The following WDR62 variants were observed in gnomAD, a reference collection of about 807,000 sequenced individuals.
WDR62 encodes WD repeat-containing protein 62.
A neutral mutation model predicts 160.6 loss-of-function variants in WDR62; 112 were observed. That is an observed-to-expected ratio of 0.70 (90% CI 0.60 to 0.82). WDR62 has a LOEUF of 0.82. Ranked by LOEUF, WDR62 falls within the 40% of genes least tolerant of loss-of-function variation. The pLI is 0.00. For missense variants in WDR62, 1,819 were observed against 1,983.8 expected (o/e 0.92, Z 1.58); for synonymous variants, 792 against 815.1 (o/e 0.97, Z 0.48).
chr19:36,068,116 G>C, intron 7 of WDR62, 106 bp downstream of exon 7: 1 of 1,359,864 alleles, frequency 7.4e-7, no homozygotes, highest in Non-Finnish European at 1.0e-6. Context: ...TATGTGACTA[G>C]TGGTGAATGA....
downstream of WDR62, among the ~76,000 whole-genome samples, chr19:36,108,363 C>T (rs76765303): frequency 2.0e-5 from 3 of 151,878 alleles, no homozygotes. Flanking sequence ...CAACTCCCCC[C>T]CTGCTTCTAC....
chr19:36,093,446 T>G (rs1488289690), intron 19 of WDR62, among the ~76,000 whole-genome samples: 1 of 152,228 alleles, frequency 6.6e-6, no homozygotes, highest in African/African-American at 2.4e-5. Flanking sequence ...GGTTTTGGTT[T>G]GGGTATTGCT....
intron 1 of WDR62, among the ~76,000 whole-genome samples, chr19:36,056,500 C>T (rs1454957719): frequency 1.3e-5 from 2 of 152,186 alleles, no homozygotes; most frequent in Non-Finnish European, 2.9e-5. Flanking sequence ...GCCTGTCTGG[C>T]TCCTTCCCAT....
At chr19:36,100,604 A>G (rs1057073282) in intron 22 of WDR62, 144 bp from the exon 23 acceptor site, 25 of 1,252,926 alleles carry the variant, frequency 2.0e-5, no homozygotes, top group Non-Finnish European at 2.7e-5. Flanking sequence ...GGGGCAGACC[A>G]GGACAAGCTG....
At position 36,071,189 on chromosome 19, in the gene WDR62, A is replaced by G. The variant is rs1169833316; in HGVS notation, c.883-367A>G. 3 of 263,290 alleles carry G rather than the reference A, an allele frequency of 1.1e-5. No individual in the cohort carries two copies. In the East Asian group the frequency reaches 2.9e-4, roughly 25 times the overall value. 16.3% of individuals were successfully genotyped at this position (263,290 alleles called of 1,614,324 possible). Reference sequence around the variant, plus strand: ...ATTGCACTCCAGCCTGGGCGCAACAAAAAACTCTATCTCAAAAAAAAAAAA... The same window carrying G: ...ATTGCACTCCAGCCTGGGCGCAACAGAAAACTCTATCTCAAAAAAAAAAAA... On this transcript the variant is annotated intron_variant, in intron 7 of 31. Coordinates refer to ENST00000401500, the MANE Select transcript of WDR62 (RefSeq NM_001083961.2).
intron 3 of WDR62, among the ~76,000 whole-genome samples, chr19:36,063,548 G>C (rs954942675): frequency 3.9e-5 from 6 of 152,242 alleles, no homozygotes; most frequent in Non-Finnish European, 5.9e-5. Context: ...ACTGCACCCG[G>C]CCAATCTTGA....
chr19:36,074,817 AT>A (rs1283321343), intron 9 of WDR62, among the ~76,000 whole-genome samples: 1 of 152,170 alleles, frequency 6.6e-6, no homozygotes, highest in African/African-American at 2.4e-5. Context: ...TAGGTGAAAT[AT>A]TACAGATAAG....
chr19:36,096,535 C>G (rs902472350), intron 20 of WDR62, among the ~76,000 whole-genome samples: 5 of 151,778 alleles, frequency 3.3e-5, no homozygotes, highest in African/African-American at 9.7e-5. Context: ...GAAACCCCGT[C>G]TCTACTAAAA....
intron 26 of WDR62, 112 bp from the exon 27 acceptor site, chr19:36,102,625 G>A: frequency 2.3e-6 from 2 of 867,412 alleles, no homozygotes; most frequent in Non-Finnish European, 3.7e-6. Flanking sequence ...CTCGTACCCT[G>A]TGTCTGTACA....
At position 36,071,569 on chromosome 19, in the gene WDR62, C is replaced by A; in HGVS notation, c.896C>A (p.Ser299Tyr). ...TTGCCCCTACAGGTCTCCCTGTCTT[C>A]CTGCCTCTGTGTCAGCCAGGAGCTC... ...KWINLKVSLS[S>Y]CLCVSQELIF... Residue 299 changes from serine to tyrosine, a missense_variant, in exon 8 of 32, where the codon TCC (serine) becomes TAC (tyrosine). Ser to Tyr is a moderately radical substitution (Grantham distance 144). This residue lies in a region of WDR62 where 934 missense variants were observed against 1,157.2 expected (regional missense o/e 0.81). Transcript: ENST00000401500. 6.2e-7 allele frequency: 1 copy of A among 1,614,260 alleles called. No homozygotes were observed. The highest frequency in any genetic ancestry group is 8.5e-7 in the Non-Finnish European group (1 of 1,180,052).
intron 15 of WDR62, among the ~76,000 whole-genome samples, chr19:36,090,096 G>A (rs552339796): frequency 4.6e-5 from 7 of 152,174 alleles, no homozygotes; most frequent in African/African-American, 1.7e-4. Context: ...ACTTCCTGGA[G>A]GAAGAGACAC....
chr19:36,103,894 C>A lies in WDR62; in HGVS notation c.4066C>A (p.Leu1356Ile). Reference sequence around the variant, plus strand: ...TCTCCCAGCTCCTGAGTCCCCTGGCCTTCCTGCCCACCCCAGTAACCCCCA... The same window carrying A: ...TCTCCCAGCTCCTGAGTCCCCTGGCATTCCTGCCCACCCCAGTAACCCCCA... ...PSLPAPESPG[L>I]PAHPSNPQLP... Residue 1356 changes from leucine (L) to isoleucine (I), a missense_variant, in exon 30 of 32, where the codon CTT becomes ATT. Around this residue, in one of 3 missense-constraint regions of WDR62, gnomAD observed 770 missense variants for 734.2 expected, o/e 1.05. Transcript: ENST00000401500. The A allele has an allele frequency of 1.2e-6, 2 of 1,600,062 alleles. No individual in the cohort carries two copies. Among genetic ancestry groups the A allele is most frequent in the Non-Finnish European group, 1.7e-6 (2 of 1,179,934 alleles).
Position 36,067,358 on chromosome 19 carries a change from C to A in WDR62, c.614C>A (p.Ser205Tyr). Residue 205 changes from serine (S) to tyrosine (Y), a missense_variant, in exon 6 of 32, where the codon TCC (serine) becomes TAC (tyrosine). Physicochemically the swap from Ser to Tyr is moderately radical, Grantham distance 144. Transcript: ENST00000401500. ...NKVSCRVIAL[S>Y]FSEDSSYFVT... is the part of the protein sequence containing the mutation. ...GTATCTTGTAGAGTCATTGCCCTCT[C>A]CTTCTCAGAGGACAGCAGCTATTTT... 1 of 1,614,166 alleles carries A rather than the reference C, an allele frequency of 6.2e-7. No homozygotes were observed.
At chr19:36,082,992 C>A in intron 10 of WDR62, 71 bp from the exon 11 acceptor site, 1 of 1,377,674 alleles carries the variant, frequency 7.3e-7, no homozygotes, top group Non-Finnish European at 1.0e-6. Flanking sequence ...AAGAGACTGG[C>A]TATGGAGGGA....
At chr19:36,079,003 A>C (rs975399870) in intron 9 of WDR62, among the ~76,000 whole-genome samples, 1 of 150,868 alleles carries the variant, frequency 6.6e-6, no homozygotes, top group African/African-American at 2.4e-5. Flanking sequence ...GAAATTTTAG[A>C]AGTTGGTGTG....
rs1970954282 is a variant in WDR62 at position 36,066,560 on chromosome 19, C to T, written c.561+133C>T. The T allele has an allele frequency of 1.5e-5, 14 of 941,014 alleles. No homozygotes were observed. In the South Asian group the frequency reaches 1.9e-4, roughly 13 times the overall value. 58.3% of individuals were successfully genotyped at this position (941,014 alleles called of 1,614,324 possible). ...CCAACAGATAACAGCTATTGAGCAC[C>T]TGTGACATGCTGATCCCTTATTGTA... On this transcript the variant is annotated intron_variant, in intron 5 of 31. Transcript: ENST00000401500.
chr19:36,090,442 C>A lies in WDR62; in HGVS notation c.1959-3C>A. 6.2e-7 allele frequency: 1 copy of A among 1,614,046 alleles called. No individual in the cohort carries two copies. Among genetic ancestry groups the A allele is most frequent in the South Asian group, 1.1e-5 (1 of 91,078 alleles). ...TGGCCGCAACATGCCCCTACTTCCC[C>A]AGAGTCTACAACACTGTGAACGGGA... On this transcript the variant is annotated splice_region_variant and splice_polypyrimidine_tract_variant and intron_variant, in intron 15 of 31. Transcript: ENST00000401500.
intron 7 of WDR62, among the ~76,000 whole-genome samples, chr19:36,068,778 A>G (rs1405325275): frequency 6.6e-6 from 1 of 152,166 alleles, no homozygotes; most frequent in Admixed American, 6.5e-5. Flanking sequence ...CACAGCAACA[A>G]TCTGATTTCT....
intron 1 of WDR62, among the ~76,000 whole-genome samples, chr19:36,056,981 T>G (rs1970406433): frequency 6.6e-6 from 1 of 152,038 alleles, no homozygotes. Flanking sequence ...CTGACTAATT[T>G]TTTTGTGTTT....
Sources: gnomAD v4.1 joint callset for allele counts (sites outside exome capture counted in the v4.1 genomes callset) on GRCh38, gnomAD v4.1.1 for gene constraint, gnomAD v4.1.1 regional missense constraint, MANE v1.5 for transcripts, NCBI Gene and HGNC (gene_info 2026-07-23, HGNC 2026-07-21) for gene names.